Variants in WDR35 observed in about 807,000 individuals in gnomAD.
The protein encoded by WDR35 is WD repeat domain 35, also known as WD repeat-containing protein 35.
WDR35 carries 118 observed loss-of-function variants against 158.3 expected under a neutral mutation model. The ratio of observed to expected loss-of-function variants is 0.75; its 90% CI spans 0.64 to 0.87. The LOEUF is 0.87. WDR35 is among the 40% of genes least tolerant of loss of function. WDR35 has a pLI of 0.00. For synonymous variants in WDR35, 448 were observed against 476.1 expected (o/e 0.94, Z 0.77); for missense variants, 1,263 against 1,405.8 (o/e 0.90, Z 1.62).
At chr2:19,935,353 G>A (rs1670658750) in intron 21 of WDR35, 118 bp downstream of exon 21, 2 of 1,123,678 alleles carry the variant, frequency 1.8e-6, no homozygotes, top group Admixed American at 5.3e-5. Context: ...CCATGTCTAA[G>A]AAACTGTAAC....
intron 16 of WDR35, among the ~76,000 whole-genome samples, chr2:19,943,994 T>TAATATAGAA (rs1264692914): frequency 6.6e-6 from 1 of 152,042 alleles, no homozygotes; most frequent in African/African-American, 2.4e-5. Flanking sequence ...TCCTAAATAA[T>TAATATAGAA]AATATAGAAT....
intron 21 of WDR35, 135 bp downstream of exon 21, chr2:19,935,335 GC>G: frequency 1.1e-6 from 1 of 899,398 alleles, no homozygotes; most frequent in South Asian, 2.0e-5. Context: ...ATAATTAAAA[GC>G]ATCATTCCAT....
chr2:19,935,747 C>T (rs1283137974), intron 20 of WDR35, 144 bp from the exon 21 acceptor site: 2 of 998,652 alleles, frequency 2.0e-6, no homozygotes, highest in Non-Finnish European at 2.9e-6. Context: ...AACTTTCAAA[C>T]ATATAAATGG....
intron 18 of WDR35, 23 bp downstream of exon 18, chr2:19,938,242 G>A: frequency 6.2e-7 from 1 of 1,613,952 alleles, no homozygotes; most frequent in African/African-American, 1.3e-5. Flanking sequence ...GACATCCTGG[G>A]AGAGTTTGCT....
At chr2:19,983,296 G>A (rs145033895) in intron 2 of WDR35, among the ~76,000 whole-genome samples, 7 of 152,286 alleles carry the variant, frequency 4.6e-5, no homozygotes, top group African/African-American at 9.6e-5. Context: ...CTCTGAGGTA[G>A]ACAACTAGAG....
chr2:19,980,762 C>T lies in WDR35; in HGVS notation c.236G>A (p.Trp79Ter). The change falls in exon 4 of 27, where the codon TGG becomes TAG. Residue 79 changes from tryptophan (W) to a stop codon, truncating the protein, a stop_gained. Transcript: ENST00000281405. LOFTEE classifies it high-confidence loss of function. Reference protein sequence around the residue: ...GHSGSVQVVTWNEQYQKLTTS... With the variant: ...GHSGSVQVVT ...AGTCAACTTCTGATACTGCTCATTC[C>T]ATGTTACAACTTGAACAGAACCTAG... 1 of 1,613,746 alleles carries T rather than the reference C, an allele frequency of 6.2e-7. No individual in the cohort carries two copies. The highest frequency in any genetic ancestry group is 8.5e-7 in the Non-Finnish European group (1 of 1,179,804).
At chr2:19,988,124 C>T (rs980667742) in intron 2 of WDR35, among the ~76,000 whole-genome samples, 1 of 152,036 alleles carries the variant, frequency 6.6e-6, no homozygotes, top group Non-Finnish European at 1.5e-5. Context: ...ATCCTTGTTC[C>T]GCCACTTACT....
intron 3 of WDR35, among the ~76,000 whole-genome samples, chr2:19,981,975 C>CT (rs1268473838): frequency 2.0e-5 from 3 of 152,166 alleles, no homozygotes; most frequent in Non-Finnish European, 4.4e-5. Flanking sequence ...TTGAATGACT[C>CT]TAAGTTGTAT....
Position 19,974,588 on chromosome 2 carries a change from T to G in WDR35, c.616A>C (p.Ser206Arg). 1 of 1,613,790 alleles carries G rather than the reference T, an allele frequency of 6.2e-7. No homozygotes were observed. The highest frequency in any genetic ancestry group is 8.5e-7 in the Non-Finnish European group (1 of 1,179,872). Residue 206 changes from serine to arginine, a missense_variant, in exon 7 of 27, where the codon AGC becomes CGC. Transcript: ENST00000281405. ...TGGTACCAATGAATTCCAGCAATGC[T>G]GATAGCTCCAGTGACATTCACCAAA... ...SCLVNVTGAI[S>R]IAGIHWYHGT...
rs149974877 is a variant in WDR35, at chr2:19,958,749, C to T, written c.1255+1805G>A. On this transcript the variant is annotated intron_variant, in intron 11 of 26. Transcript: ENST00000281405. ...GGAAGATAGACAAGAAAATTAGTAA[C>T]CACAGTGCAGGTTAAGAGGTATTTT... Among the ~76,000 whole-genome samples the T allele has an allele frequency of 1.1e-3, 162 of 152,160 alleles. 3 individuals carry two copies. In the East Asian group the frequency reaches 0.025, roughly 23 times the overall value.
chr2:19,930,605 T>A, intron 24 of WDR35, 53 bp from the exon 25 acceptor site: 5 of 1,610,884 alleles, frequency 3.1e-6, no homozygotes, highest in Non-Finnish European at 4.2e-6. Flanking sequence ...ACACACAGTG[T>A]CAACTCCCAA....
intron 9 of WDR35, among the ~76,000 whole-genome samples, chr2:19,967,511 T>C (rs1358240566): frequency 1.3e-5 from 2 of 152,108 alleles, no homozygotes; most frequent in Non-Finnish European, 2.9e-5. Context: ...ATTATGGAAC[T>C]TACACACTTA....
chr2:19,963,421 C>G (rs1246613409), intron 10 of WDR35, among the ~76,000 whole-genome samples: 5 of 151,996 alleles, frequency 3.3e-5, no homozygotes, highest in Non-Finnish European at 7.4e-5. Flanking sequence ...AACACAAATC[C>G]CCAATTATCC....
chr2:19,943,609 T>C (rs1041388723), intron 16 of WDR35, among the ~76,000 whole-genome samples: 98 of 152,182 alleles, frequency 6.4e-4, no homozygotes, highest in African/African-American at 2.2e-3. Context: ...AGCCCCTTGT[T>C]TGAAAAAGAA....
At chr2:19,922,518 A>G (rs945747390) in intron 25 of WDR35, among the ~76,000 whole-genome samples, 7 of 146,628 alleles carry the variant, frequency 4.8e-5, no homozygotes, top group Admixed American at 2.7e-4. Flanking sequence ...GAGTCGAACA[A>G]TGAGAACACA....
rs1471912761 is a variant in WDR35 at position 19,912,080 on chromosome 2, T to C, written c.*1478A>G. 6.6e-6 allele frequency: 1 copy of C among 152,120 alleles called. No individual in the cohort carries two copies. Among genetic ancestry groups the C allele is most frequent in the Non-Finnish European group, 1.5e-5 (1 of 68,026 alleles). The allele number at this position is 152,120 out of a possible 1,614,324, so 9.4% of individuals were successfully genotyped here. ...GAAAGCGTATGTGACAGAATGTGAG[T>C]CAGGACATAAAAACATTACAAAACC... On this transcript the variant is annotated 3_prime_UTR_variant, in exon 27 of 27. Transcript: ENST00000281405.
chr2:19,936,102 G>A, intron 20 of WDR35, 117 bp downstream of exon 20: 2 of 1,488,466 alleles, frequency 1.3e-6, no homozygotes, highest in South Asian at 2.4e-5. Flanking sequence ...AGAGCTATCT[G>A]AATTTTAGAA....
chr2:19,982,289 T>C (rs1256394916), intron 3 of WDR35, among the ~76,000 whole-genome samples, 174 bp downstream of exon 3: 2 of 152,232 alleles, frequency 1.3e-5, no homozygotes, highest in Non-Finnish European at 2.9e-5. Context: ...GTGTATTAAA[T>C]GCATTTTCAA....
At chr2:19,958,684 T>G (rs984347666) in intron 11 of WDR35, among the ~76,000 whole-genome samples, 8 of 152,190 alleles carry the variant, frequency 5.3e-5, no homozygotes, top group Admixed American at 1.3e-4. Context: ...ATACAGAAGT[T>G]AATTAGACGT....
Sources: allele counts gnomAD v4.1 joint callset (sites outside exome capture counted in the v4.1 genomes callset), GRCh38; gene constraint gnomAD v4.1.1; transcripts MANE v1.5; gene names NCBI Gene and HGNC (gene_info 2026-07-23, HGNC 2026-07-21).